The following KCNN2 variants were observed in gnomAD, a reference collection of about 807,000 sequenced individuals.
KCNN2 encodes the protein small conductance calcium-activated potassium channel protein 2.
Under a neutral mutation model 55.5 loss-of-function variants are expected in KCNN2, and 24 were observed. That is an observed-to-expected ratio of 0.43 (90% CI 0.31 to 0.61). The LOEUF is 0.61. Among genes scored for constraint, KCNN2 ranks in the 20% least tolerant of loss-of-function variants. KCNN2 has a pLI of 0.08. For synonymous variants in KCNN2, 431 were observed against 336.1 expected (o/e 1.28, Z -3.09); for missense variants, 754 against 853.6 (o/e 0.88, Z 1.45).
intron 3 of KCNN2, among the ~76,000 whole-genome samples, chr5:114,413,791 C>G (rs941177433): frequency 6.6e-6 from 1 of 152,130 alleles, no homozygotes; most frequent in Non-Finnish European, 1.5e-5. Context: ...CATTATGGTC[C>G]TCCTCATCCT....
At chr5:114,293,228 G>A (rs1459628418) in intron 2 of KCNN2, among the ~76,000 whole-genome samples, 1 of 152,128 alleles carries the variant, frequency 6.6e-6, no homozygotes, top group East Asian at 1.9e-4. Context: ...TCAACACTAT[G>A]TTGAATAGGA....
intron 3 of KCNN2, among the ~76,000 whole-genome samples, chr5:114,462,414 CTG>C (rs978984877): frequency 1.8e-4 from 28 of 152,142 alleles, no homozygotes; most frequent in Non-Finnish European, 3.5e-4. Flanking sequence ...GGCAGGGACT[CTG>C]TGATCAGAGG....
intron 2 of KCNN2, among the ~76,000 whole-genome samples, chr5:114,277,340 T>G (rs1561551505): frequency 6.6e-6 from 1 of 152,226 alleles, no homozygotes; most frequent in Non-Finnish European, 1.5e-5. Flanking sequence ...TTGAGAATTA[T>G]CTTTGTGGTG....
At position 114,275,726 on chromosome 5, in the gene KCNN2, C is replaced by A. The variant is rs10463658; in HGVS notation, c.-185+54161C>A. 2.0e-5 allele frequency among the ~76,000 whole-genome samples: 3 copies of A among 151,822 alleles called. No homozygotes were observed. In the South Asian group the frequency reaches 6.2e-4, roughly 31 times the overall value. ...GCATTTATTTGAGTCTTCTCTTTTT[C>A]TTCTTTATTAGTCTTCCTAGCGATC... On this transcript the variant is annotated intron_variant, in intron 2 of 10. Coordinates refer to the KCNN2 transcript ENST00000512097.
chr5:114,250,403 C>T (rs1754835780), intron 2 of KCNN2, among the ~76,000 whole-genome samples: 2 of 152,050 alleles, frequency 1.3e-5, no homozygotes, highest in African/African-American at 4.8e-5. Flanking sequence ...GGAAGTGTCC[C>T]TTTTATTGAG....
intron 2 of KCNN2, among the ~76,000 whole-genome samples, chr5:114,254,988 C>A (rs749149439): frequency 6.6e-6 from 1 of 152,070 alleles, no homozygotes; most frequent in East Asian, 1.9e-4. Context: ...AGTAAGAATT[C>A]ATTGGCCTCA....
At chr5:114,370,874 A>G (rs997680437) in intron 2 of KCNN2, among the ~76,000 whole-genome samples, 1 of 152,166 alleles carries the variant, frequency 6.6e-6, no homozygotes, top group Non-Finnish European at 1.5e-5. Context: ...AAAGCAGGCA[A>G]GGCTCATGAT....
At chr5:114,147,728 G>A (rs1752427725) in intron 1 of KCNN2, among the ~76,000 whole-genome samples, 1 of 152,146 alleles carries the variant, frequency 6.6e-6, no homozygotes, top group Admixed American at 6.5e-5. Flanking sequence ...CCTAGGATTG[G>A]TCTGAGATAA....
intron 3 of KCNN2, among the ~76,000 whole-genome samples, chr5:114,441,347 A>G (rs1580838963): frequency 6.6e-6 from 1 of 152,162 alleles, no homozygotes; most frequent in African/African-American, 2.4e-5. Context: ...CATATATTAA[A>G]CCCTGTAGCC....
At chr5:114,414,595 G>C (rs1225477542) in intron 3 of KCNN2, among the ~76,000 whole-genome samples, 3 of 152,116 alleles carry the variant, frequency 2.0e-5, no homozygotes, top group Non-Finnish European at 4.4e-5. Context: ...TCAATAAATA[G>C]TCTGATCACT....
chr5:114,391,202 C>G (rs1408766468), intron 2 of KCNN2, among the ~76,000 whole-genome samples: 5 of 152,028 alleles, frequency 3.3e-5, no homozygotes, highest in Non-Finnish European at 5.9e-5. Context: ...ACCAATTTCC[C>G]TTCCTCCTCT....
At chr5:114,421,342 G>A (rs2900084) in intron 3 of KCNN2, among the ~76,000 whole-genome samples, 47,792 of 151,820 alleles carry the variant, frequency 0.31, 7,612 homozygotes, top group Middle Eastern at 0.34. Context: ...CCAAGCTGGA[G>A]TGCAGTGGCA....
At chr5:114,331,013 C>G (rs1756811381) in intron 2 of KCNN2, among the ~76,000 whole-genome samples, 1 of 152,176 alleles carries the variant, frequency 6.6e-6, no homozygotes, top group South Asian at 2.1e-4. Flanking sequence ...GAATGAACTC[C>G]TTGCTACATT....
intron 2 of KCNN2, among the ~76,000 whole-genome samples, chr5:114,251,628 T>G (rs551618488): frequency 6.6e-6 from 1 of 152,290 alleles, no homozygotes; most frequent in East Asian, 1.9e-4. Context: ...GTTCTTGACT[T>G]TGAAATAAAG....
At chr5:114,138,298 A>C (rs1752211297) in intron 1 of KCNN2, among the ~76,000 whole-genome samples, 1 of 152,226 alleles carries the variant, frequency 6.6e-6, no homozygotes, top group Admixed American at 6.5e-5. Flanking sequence ...AAAATACAAC[A>C]AACAGCCTGA....
intron 1 of KCNN2, among the ~76,000 whole-genome samples, chr5:114,219,714 T>C (rs1466115068): frequency 6.6e-6 from 1 of 152,014 alleles, no homozygotes; most frequent in East Asian, 1.9e-4. Context: ...TGGTTGCAGG[T>C]TTTTTGGCTT....
intron 1 of KCNN2, among the ~76,000 whole-genome samples, chr5:114,114,383 A>G (rs1379404515): frequency 1.3e-5 from 2 of 152,010 alleles, no homozygotes; most frequent in African/African-American, 2.4e-5. Flanking sequence ...ATGCACCACT[A>G]TGCCCAGCTA....
intron 6 of KCNN2, among the ~76,000 whole-genome samples, chr5:114,492,049 TAATA>T (rs1193941061): frequency 1.3e-5 from 2 of 152,132 alleles, no homozygotes; most frequent in Non-Finnish European, 2.9e-5. Context: ...TCCAGCATTC[TAATA>T]AATACATAGT....
chr5:114,322,816 C>T (rs548238090), intron 2 of KCNN2, among the ~76,000 whole-genome samples: 1 of 152,030 alleles, frequency 6.6e-6, no homozygotes, highest in African/African-American at 2.4e-5. Flanking sequence ...TCTTTTTTAA[C>T]TTTTATTATA....
Sources: gnomAD v4.1 joint callset for allele counts (sites outside exome capture counted in the v4.1 genomes callset) on GRCh38, gnomAD v4.1.1 for gene constraint, MANE v1.5 for transcripts, NCBI Gene and HGNC (gene_info 2026-07-23, HGNC 2026-07-21) for gene names.